The following ANKRD11 variants were observed in gnomAD, a reference collection of about 807,000 sequenced individuals.
ANKRD11 encodes ankyrin repeat domain 11, also known as ankyrin repeat domain-containing protein 11.
A neutral mutation model predicts 195.7 loss-of-function variants in ANKRD11; 17 were observed. The observed-to-expected ratio is 0.09, with a 90% CI of 0.06 to 0.13. ANKRD11 has a LOEUF of 0.13. ANKRD11 is among the 10% of genes least tolerant of loss of function. The pLI, the probability that ANKRD11 is intolerant of heterozygous loss-of-function variation, is 1.00. For synonymous variants in ANKRD11, 1,953 were observed against 1,528.1 expected (o/e 1.28, Z -6.49); for missense variants, 3,735 against 3,566.1 (o/e 1.05, Z -1.21).
At chr16:89,385,267 C>T (rs2040858948) in intron 2 of ANKRD11, among the ~76,000 whole-genome samples, 1 of 151,882 alleles carries the variant, frequency 6.6e-6, no homozygotes, top group African/African-American at 2.4e-5. Flanking sequence ...CAGCTCACTG[C>T]ACAGGTGTCT....
chr16:89,375,192 A>G (rs2040367894), intron 2 of ANKRD11, among the ~76,000 whole-genome samples: 1 of 152,106 alleles, frequency 6.6e-6, no homozygotes, highest in South Asian at 2.1e-4. Flanking sequence ...TACCGCGGTG[A>G]GCTCAAGTGT....
intron 9 of ANKRD11, 121 bp downstream of exon 9, chr16:89,278,951 G>A: frequency 1.4e-6 from 2 of 1,466,496 alleles, no homozygotes; most frequent in Non-Finnish European, 1.9e-6. Flanking sequence ...TCAGGTGGCA[G>A]AAGGTCGAGA....
At chr16:89,338,049 C>T (rs909027921) in intron 2 of ANKRD11, among the ~76,000 whole-genome samples, 1 of 152,236 alleles carries the variant, frequency 6.6e-6, no homozygotes, top group African/African-American at 2.4e-5. Context: ...CCCTACACAC[C>T]AGGACCACTG....
At chr16:89,304,214 C>G (rs1394794295) in intron 4 of ANKRD11, among the ~76,000 whole-genome samples, 1 of 152,214 alleles carries the variant, frequency 6.6e-6, no homozygotes, top group Non-Finnish European at 1.5e-5. Context: ...GGTGTCACTG[C>G]AGAAGGCGCT....
At position 89,291,104 on chromosome 16, in the gene ANKRD11, C is replaced by G. The variant is rs150497848; in HGVS notation, c.306G>C (p.Leu102=). ...RKAGLLFGMG[L]SGIRAGYPLS... ...GGGGGTAGCCGGCTCGGATTCCAGA[C>G]AGCCCCATGCCAAACAGCAGCCCGG... is the stretch of plus-strand genomic sequence containing the variant. Residue 102 remains leucine, a synonymous_variant, in exon 5 of 13, where the codon CTG becomes CTC. Coordinates refer to ENST00000301030, the MANE Select transcript of ANKRD11 (RefSeq NM_013275.6). This position sits in a 1 kb window ranked among gnomAD's most constrained non-coding sequence, Gnocchi z 5.3. 1,324 of 1,613,920 alleles carry G rather than the reference C, an allele frequency of 8.2e-4. 2 individuals are homozygous for G. Among genetic ancestry groups the G allele is most frequent in the Non-Finnish European group, 1.0e-3 (1,188 of 1,179,972 alleles).
chr16:89,288,680 G>A lies in ANKRD11; in HGVS notation c.602-10C>T. 1 of 1,614,026 alleles carries A rather than the reference G, an allele frequency of 6.2e-7. No homozygotes were observed. The highest frequency in any genetic ancestry group is 8.5e-7 in the Non-Finnish European group (1 of 1,180,042). The stretch of plus-strand genomic sequence containing the variant: ...TGCAGCGCCGTCCAGCCTGGAAACA[G>A]ACACTCAGGACGTACGTTATTTAAT... On this transcript the variant is annotated splice_polypyrimidine_tract_variant and intron_variant, in intron 6 of 12. Transcript: ENST00000301030.
In ANKRD11 at chr16:89,291,864, T is replaced by G; in HGVS notation, c.227-681A>C. 1 of 864,496 alleles carries G rather than the reference T, an allele frequency of 1.2e-6. No individual in the cohort carries two copies. Among genetic ancestry groups the G allele is most frequent in the Non-Finnish European group, 1.7e-6 (1 of 602,292 alleles). 53.6% of individuals were successfully genotyped at this position (864,496 alleles called of 1,614,324 possible). A position where few individuals can be genotyped will look rare whatever the true frequency, so the allele number is the denominator to read the frequency against. Reference sequence around the variant, plus strand: ...CAGCCTCCTCGTAACAAGCACACCCTGCACTCATCTGACCCGTTACAGAAC... The same window carrying G: ...CAGCCTCCTCGTAACAAGCACACCCGGCACTCATCTGACCCGTTACAGAAC... On this transcript the variant is annotated intron_variant, in intron 4 of 12. Transcript: ENST00000301030. The surrounding 1 kb of genome is among the most constrained non-coding windows in gnomAD (Gnocchi z 5.3).
At chr16:89,472,320 G>C (rs758893834) in intron 1 of ANKRD11, among the ~76,000 whole-genome samples, 1 of 152,034 alleles carries the variant, frequency 6.6e-6, no homozygotes, top group Non-Finnish European at 1.5e-5. Context: ...CTGTAGGGAC[G>C]GTACCAAGAT....
In ANKRD11 at chr16:89,280,931, C is replaced by T. The variant is rs1280767035; in HGVS notation, c.5611G>A (p.Ala1871Thr). 2 of 1,592,960 alleles carry T rather than the reference C, an allele frequency of 1.3e-6. No homozygotes were observed. Among genetic ancestry groups the T allele is most frequent in the Non-Finnish European group, 8.6e-7 (1 of 1,166,472 alleles). ...GGAGACGGGGTGACAGTGACAACGG[C>T]AGCCGGTGGGCAGTGCAAAGCGTCG... ...KVDALHCPPAAVVTVTPSPEG... is the reference protein window; with the variant it reads ...KVDALHCPPATVVTVTPSPEG... The change falls in exon 9 of 13, where the codon GCC (alanine) becomes ACC (threonine). Residue 1871 changes from alanine to threonine, a missense_variant. Physicochemically the swap from Ala to Thr is moderately conservative, Grantham distance 58. Transcript: ENST00000301030.
At chr16:89,393,692 G>C (rs774660375) in intron 2 of ANKRD11, among the ~76,000 whole-genome samples, 1 of 151,898 alleles carries the variant, frequency 6.6e-6, no homozygotes. Flanking sequence ...GATTTGTAAG[G>C]GTTAGAAGGG....
intron 2 of ANKRD11, among the ~76,000 whole-genome samples, chr16:89,410,828 G>T (rs1199194519): frequency 2.0e-5 from 3 of 152,258 alleles, no homozygotes; most frequent in Admixed American, 6.5e-5. Context: ...ACAGAAGGGG[G>T]TGGGGAGTGG....
intron 2 of ANKRD11, among the ~76,000 whole-genome samples, chr16:89,353,533 A>T (rs963116387): frequency 6.6e-5 from 10 of 150,938 alleles, no homozygotes; most frequent in Non-Finnish European, 1.2e-4. Context: ...GCTGGAGTAC[A>T]GTGGTGCAAT....
intron 1 of ANKRD11, among the ~76,000 whole-genome samples, chr16:89,472,729 T>C (rs2057130233): frequency 6.6e-6 from 1 of 152,220 alleles, no homozygotes; most frequent in Non-Finnish European, 1.5e-5. Flanking sequence ...GCCTTTTATT[T>C]GAGGATCCAA....
chr16:89,446,338 T>C (rs1045029280), intron 1 of ANKRD11, among the ~76,000 whole-genome samples: 2 of 152,148 alleles, frequency 1.3e-5, no homozygotes, highest in East Asian at 3.9e-4. Context: ...GCGCAGTGGC[T>C]CACGCCCCTA....
At chr16:89,320,496 C>A (rs1269870843) in intron 2 of ANKRD11, 1 of 152,260 alleles carries the variant, frequency 6.6e-6, no homozygotes, top group Non-Finnish European at 1.5e-5. Flanking sequence ...AACGCAGAGC[C>A]GAGGGGCCGG....
chr16:89,288,917 G>T, intron 6 of ANKRD11: 1 of 597,030 alleles, frequency 1.7e-6, no homozygotes, highest in Admixed American at 2.8e-5. Context: ...AACCTGCAGG[G>T]CTAATCTGCG....
Position 89,290,702 on chromosome 16 carries a change from G to A in ANKRD11, c.524C>T (p.Ala175Val), listed in dbSNP as rs773834074. Residue 175 changes from alanine (A) to valine (V), a missense_variant, in exon 6 of 13, where the codon GCC (alanine) becomes GTC (valine). Transcript: ENST00000301030. ...NERGETRLHRAAIRGDARRIK... is the reference protein window; with the variant it reads ...NERGETRLHRVAIRGDARRIK... ...GCGCCGGGCGTCCCCGCGGATGGCG[G>A]CTCGGTGCAGGCGGGTCTCTCCACG... 3 of 1,614,104 alleles carry A rather than the reference G, an allele frequency of 1.9e-6. No individual in the cohort carries two copies. The South Asian group carries it at 3.3e-5, about 18-fold the overall frequency.
intron 2 of ANKRD11, among the ~76,000 whole-genome samples, chr16:89,371,147 G>A (rs2040175059): frequency 6.6e-6 from 1 of 152,260 alleles, no homozygotes; most frequent in Non-Finnish European, 1.5e-5. Context: ...GACTTTCAGG[G>A]TGCACGTAAG....
At chr16:89,368,818 T>C (rs564778040) in intron 2 of ANKRD11, among the ~76,000 whole-genome samples, 38 of 152,212 alleles carry the variant, frequency 2.5e-4, no homozygotes, top group African/African-American at 7.7e-4. Context: ...GCGGGATCGC[T>C]TGAGCCAGGA....
Sources: gnomAD v4.1 joint callset for allele counts (sites outside exome capture counted in the v4.1 genomes callset) on GRCh38, gnomAD v4.1.1 for gene constraint, Gnocchi (gnomAD v3.1) non-coding constraint, MANE v1.5 for transcripts, NCBI Gene and HGNC (gene_info 2026-07-23, HGNC 2026-07-21) for gene names.